ZNF93: variants seen among roughly 807,000 people sequenced by gnomAD.
ZNF93 encodes the protein zinc finger protein 505.
Under a neutral mutation model 45.0 loss-of-function variants are expected in ZNF93, and 29 were observed. The ratio of observed to expected loss-of-function variants is 0.64; its 90% CI spans 0.48 to 0.88. ZNF93 has a LOEUF of 0.88. ZNF93 is among the 40% of genes least tolerant of loss of function. ZNF93 has a pLI of 0.00. For missense variants in ZNF93, 578 were observed against 724.0 expected (o/e 0.80, Z 2.31); for synonymous variants, 223 against 244.6 (o/e 0.91, Z 0.82).
Position 19,933,848 on chromosome 19 carries a change from C to T in ZNF93, c.893C>T (p.Ser298Leu), listed in dbSNP as rs779400403. Residue 298 changes from serine to leucine, a missense_variant, in exon 4 of 4, where the codon TCA (serine) becomes TTA (leucine). Transcript: ENST00000343769. Reference sequence around the variant, plus strand: ...TGTGGCAAAGCTTTTAACCAATCCTCAACACTTACTAAACATAAGAAAATT... The same window carrying T: ...TGTGGCAAAGCTTTTAACCAATCCTTAACACTTACTAAACATAAGAAAATT... ...EECGKAFNQS[S>L]TLTKHKKIHT... 22 of 1,613,152 alleles carry T rather than the reference C, an allele frequency of 1.4e-5. No homozygotes were observed. Among genetic ancestry groups the T allele is most frequent in the African/African-American group, 4.0e-5 (3 of 74,800 alleles).
At chr19:19,921,856 T>G (rs2122183089) in intron 3 of ZNF93, among the ~76,000 whole-genome samples, 1 of 152,174 alleles carries the variant, frequency 6.6e-6, no homozygotes, top group South Asian at 2.1e-4. Flanking sequence ...TGAGATGGGT[T>G]TCCTGAATAT....
intron 1 of ZNF93, among the ~76,000 whole-genome samples, chr19:19,907,176 T>C (rs889005909): frequency 2.0e-5 from 3 of 152,138 alleles, no homozygotes; most frequent in Non-Finnish European, 4.4e-5. Context: ...TGCTTTGTTT[T>C]GGCTTCTGAA....
At chr19:19,921,811 T>C (rs951579004) in intron 3 of ZNF93, among the ~76,000 whole-genome samples, 14 of 152,136 alleles carry the variant, frequency 9.2e-5, no homozygotes, top group Non-Finnish European at 7.4e-5. Flanking sequence ...TCTTCCTCCA[T>C]CCCTTTATTT....
At chr19:19,923,753 A>C (rs958526729) in intron 3 of ZNF93, among the ~76,000 whole-genome samples, 2 of 152,174 alleles carry the variant, frequency 1.3e-5, no homozygotes, top group African/African-American at 4.8e-5. Flanking sequence ...GCCATTTGCT[A>C]AGACTGTCAG....
intron 3 of ZNF93, among the ~76,000 whole-genome samples, chr19:19,918,836 T>TA (rs1356878956): frequency 6.6e-6 from 1 of 152,190 alleles, no homozygotes; most frequent in African/African-American, 2.4e-5. Flanking sequence ...GAGTTCTTTG[T>TA]AGATTCTGGA....
Position 19,933,245 on chromosome 19 carries a change from A to C in ZNF93, c.290A>C (p.Lys97Thr), listed in dbSNP as rs1298858922. The change falls in exon 4 of 4, where the codon AAA (lysine) becomes ACA (threonine). Residue 97 changes from lysine (K) to threonine (T), a missense_variant. Around this residue, in one of 3 missense-constraint regions of ZNF93, gnomAD observed 446 missense variants for 547.6 expected, o/e 0.81. Transcript: ENST00000343769. ...CAGAACATAAAAGATTCTTTCCAAAAAGTGATACTGAGAAGATATGAAAAA... is the reference window on the plus strand; with the variant it reads ...CAGAACATAAAAGATTCTTTCCAAACAGTGATACTGAGAAGATATGAAAAA... ...PEQNIKDSFQ[K>T]VILRRYEKRG... The C allele has an allele frequency of 6.2e-7, 1 of 1,607,330 alleles. No individual in the cohort carries two copies. The highest frequency in any genetic ancestry group is 1.3e-5 in the African/African-American group (1 of 74,690).
At chr19:19,916,440 A>G in intron 2 of ZNF93, 120 bp from the exon 3 acceptor site, 1 of 797,156 alleles carries the variant, frequency 1.3e-6, no homozygotes, top group Non-Finnish European at 2.0e-6. Flanking sequence ...TCTGTTATAA[A>G]TTTGTATTTT....
chr19:19,926,566 C>G (rs900025321), intron 3 of ZNF93, among the ~76,000 whole-genome samples: 101 of 150,732 alleles, frequency 6.7e-4, no homozygotes, highest in African/African-American at 2.3e-3. Context: ...TCACTGCAAC[C>G]TCTGCCTCCG....
chr19:19,910,380 A>G (rs2063304409), intron 1 of ZNF93, among the ~76,000 whole-genome samples: 1 of 152,214 alleles, frequency 6.6e-6, no homozygotes, highest in Admixed American at 6.5e-5. Context: ...TAAACTAATA[A>G]TGCCACATTA....
intron 1 of ZNF93, among the ~76,000 whole-genome samples, chr19:19,902,087 TA>T (rs922739298): frequency 1.0e-4 from 15 of 149,112 alleles, no homozygotes; most frequent in African/African-American, 2.0e-4. Flanking sequence ...GACTCCGTCT[TA>T]AAAAAAAAAT....
At chr19:19,911,424 A>T (rs965163991) in intron 1 of ZNF93, among the ~76,000 whole-genome samples, 2 of 152,198 alleles carry the variant, frequency 1.3e-5, no homozygotes, top group African/African-American at 4.8e-5. Context: ...CATACAAGAG[A>T]TATCTTTGGT....
intron 1 of ZNF93, chr19:19,908,322 A>G (rs901483109): frequency 3.9e-5 from 6 of 152,220 alleles, no homozygotes; most frequent in African/African-American, 1.2e-4. Flanking sequence ...CCCCCATTCA[A>G]TGGCTAGAAA....
At chr19:19,904,511 G>T (rs533547159) in intron 1 of ZNF93, among the ~76,000 whole-genome samples, 1 of 152,176 alleles carries the variant, frequency 6.6e-6, no homozygotes, top group Non-Finnish European at 1.5e-5. Flanking sequence ...CATGGGGTTT[G>T]TGTCTGGCAT....
At chr19:19,910,975 T>C (rs974113122) in intron 1 of ZNF93, among the ~76,000 whole-genome samples, 1 of 152,226 alleles carries the variant, frequency 6.6e-6, no homozygotes, top group Non-Finnish European at 1.5e-5. Flanking sequence ...GCTACAGTTA[T>C]GTGAGGGGCT....
chr19:19,909,129 C>T (rs2063300925), intron 1 of ZNF93: 1 of 152,220 alleles, frequency 6.6e-6, no homozygotes, highest in African/African-American at 2.4e-5. Context: ...GCAGGCTCTC[C>T]TCCTGCAGCT....
In ZNF93 at chr19:19,916,630, A is replaced by G. The variant is rs1484966049; in HGVS notation, c.201A>G (p.Arg67=). 3.1e-6 allele frequency: 5 copies of G among 1,611,804 alleles called. No homozygotes were observed. Among genetic ancestry groups the G allele is most frequent in the Non-Finnish European group, 4.2e-6 (5 of 1,179,156 alleles). Residue 67 remains arginine, a synonymous_variant, in exon 3 of 4, where the codon AGA becomes AGG. Transcript: ENST00000343769. The stretch of plus-strand genomic sequence containing the variant: ...GAAAAAAACCTTTGACTATGAAGAG[A>G]CATGAGATGGTAGCCAACCCCTCAG... ...EQGKKPLTMK[R]HEMVANPSVI... is the part of the protein sequence containing the mutation.
At chr19:19,904,034 GGGCA>G (rs2063285126) in intron 1 of ZNF93, among the ~76,000 whole-genome samples, 1 of 150,386 alleles carries the variant, frequency 6.6e-6, no homozygotes, top group African/African-American at 2.5e-5. Context: ...ACTCCAGCCT[GGGCA>G]ACAGAGCGAG....
At chr19:19,930,773 T>A (rs1021579432) in intron 3 of ZNF93, among the ~76,000 whole-genome samples, 6 of 152,210 alleles carry the variant, frequency 3.9e-5, no homozygotes, top group Admixed American at 6.5e-5. Flanking sequence ...TACCAACTAA[T>A]GATTAATGAT....
In ZNF93 at chr19:19,934,831, T is replaced by C. The variant is rs988638292; in HGVS notation, c.*13T>C. 2 of 1,587,596 alleles carry C rather than the reference T, an allele frequency of 1.3e-6. No homozygotes were observed. The highest frequency in any genetic ancestry group is 2.2e-5 in the East Asian group (1 of 44,820). On this transcript the variant is annotated 3_prime_UTR_variant, in exon 4 of 4. Transcript: ENST00000343769. ...GGAGAAACCCTAGAAGTGTGAAGAA[T>C]GTGGCAAAGCCTTCAAGTGGTCCTC...
Sources: gnomAD v4.1 joint callset for allele counts (sites outside exome capture counted in the v4.1 genomes callset) on GRCh38, gnomAD v4.1.1 for gene constraint, gnomAD v4.1.1 regional missense constraint, MANE v1.5 for transcripts, NCBI Gene and HGNC (gene_info 2026-07-23, HGNC 2026-07-21) for gene names.